Variants in CLGN observed in about 807,000 individuals in gnomAD.
CLGN encodes the protein testis tissue sperm-binding protein Li 79P.
A neutral mutation model predicts 79.1 loss-of-function variants in CLGN; 62 were observed. The ratio of observed to expected loss-of-function variants is 0.78; its 90% CI spans 0.64 to 0.97. CLGN has a LOEUF of 0.97. CLGN is among the 50% of genes least tolerant of loss of function. CLGN has a pLI of 0.00. For synonymous variants in CLGN, 225 were observed against 224.7 expected (o/e 1.00, Z -0.01); for missense variants, 647 against 715.5 (o/e 0.90, Z 1.09).
At chr4:140,389,374 T>C (rs1051399848) in intron 14 of CLGN, 70 bp from the exon 15 acceptor site, 6 of 1,076,872 alleles carry the variant, frequency 5.6e-6, no homozygotes, top group Non-Finnish European at 8.4e-6. Flanking sequence ...GTAAACAATA[T>C]ATTTATTATT....
Position 140,406,207 on chromosome 4 carries a change from A to G in CLGN, c.278-124T>C, listed in dbSNP as rs1729103857. 8.2e-6 allele frequency: 7 copies of G among 852,228 alleles called. No homozygotes were observed. The South Asian group carries it at 9.9e-5, about 12-fold the overall frequency. The allele number at this position is 852,228 out of a possible 1,614,324, so 52.8% of individuals were successfully genotyped here. Reference sequence around the variant, plus strand: ...TGACTTGGGAAAAATAAAAATTTTAAATCAGGAAATATCTTCAACTATATA... The same window carrying G: ...TGACTTGGGAAAAATAAAAATTTTAGATCAGGAAATATCTTCAACTATATA... On this transcript the variant is annotated intron_variant, in intron 4 of 14. Transcript: ENST00000325617.
chr4:140,412,077 G>A (rs756139398), intron 2 of CLGN, among the ~76,000 whole-genome samples: 9 of 151,820 alleles, frequency 5.9e-5, no homozygotes, highest in African/African-American at 9.7e-5. Context: ...ATTAGTACTC[G>A]GAGTACTTAC....
rs1220861012 is a variant in CLGN at position 140,395,856 on chromosome 4, A to C, written c.1112T>G (p.Val371Gly). Reference protein sequence around the residue: ...PMIDNPKYKGVWRPPLVDNPN... With the variant: ...PMIDNPKYKGGWRPPLVDNPN... ...ATTATCGACCAGTGGAGGTCTCCATACTCCTTTGTATTTTGGGTTATCTAT... is the reference window on the plus strand; with the variant it reads ...ATTATCGACCAGTGGAGGTCTCCATCCTCCTTTGTATTTTGGGTTATCTAT... Residue 371 changes from valine to glycine, a missense_variant, in exon 10 of 15, where the codon GTA becomes GGA. By Grantham distance (109) the Val-to-Gly change is moderately radical (BLOSUM62 -3). Transcript: ENST00000325617. 1.3e-6 allele frequency: 2 copies of C among 1,575,156 alleles called. No homozygotes were observed. Among genetic ancestry groups the C allele is most frequent in the African/African-American group, 1.4e-5 (1 of 73,134 alleles).
chr4:140,427,471 T>C (rs1729592709), intron 1 of CLGN, 66 bp downstream of exon 1: 1 of 152,298 alleles, frequency 6.6e-6, no homozygotes, highest in Non-Finnish European at 1.5e-5. Flanking sequence ...ACGACTCCGC[T>C]TCCTCACCCC....
At chr4:140,404,900 C>G (rs1729070458) in intron 5 of CLGN, among the ~76,000 whole-genome samples, 1 of 151,964 alleles carries the variant, frequency 6.6e-6, no homozygotes, top group African/African-American at 2.4e-5. Flanking sequence ...AAGCTGTCTG[C>G]CCACCTAGGC....
At chr4:140,420,035 A>C (rs533540604) in intron 1 of CLGN, among the ~76,000 whole-genome samples, 9 of 152,288 alleles carry the variant, frequency 5.9e-5, no homozygotes, top group Middle Eastern at 3.4e-3. Context: ...ACATAAAATA[A>C]TACTACTAAT....
rs1728796756 is a variant in CLGN, at chr4:140,392,643, C to T, written c.1434G>A (p.Val478=). ...TTAATGCTATTGGCACTCCTGCTGTCACAAGATAAATCAACCAAAGCCATG... is the reference window on the plus strand; with the variant it reads ...TTAATGCTATTGGCACTCCTGCTGTTACAAGATAAATCAACCAAAGCCATG... The part of the protein sequence containing the change: ...GHPWLWLIYL[V]TAGVPIALIT... The change falls in exon 12 of 15, where the codon GTG becomes GTA. Residue 478 remains valine, a synonymous_variant. Coordinates refer to ENST00000325617, the MANE Select transcript of CLGN (RefSeq NM_004362.3). 6.2e-7 allele frequency: 1 copy of T among 1,611,108 alleles called. No individual in the cohort carries two copies. Among genetic ancestry groups the T allele is most frequent in the African/African-American group, 1.3e-5 (1 of 74,726 alleles).
At chr4:140,395,554 A>G (rs892467095) in intron 10 of CLGN, among the ~76,000 whole-genome samples, 1 of 152,168 alleles carries the variant, frequency 6.6e-6, no homozygotes, top group African/African-American at 2.4e-5. Context: ...CACTTCTTAT[A>G]TTTACTTCTA....
intron 10 of CLGN, among the ~76,000 whole-genome samples, chr4:140,395,389 G>T (rs866817275): frequency 6.6e-6 from 1 of 151,886 alleles, no homozygotes; most frequent in Non-Finnish European, 1.5e-5. Context: ...CTCGTGATCC[G>T]CCCGCCTTGG....
At position 140,413,762 on chromosome 4, in the gene CLGN, C is replaced by T. The variant is rs531664807; in HGVS notation, c.-9-675G>A. 1.5e-4 allele frequency among the ~76,000 whole-genome samples: 23 copies of T among 152,250 alleles called. No individual in the cohort carries two copies. The South Asian group carries it at 2.3e-3, about 15-fold the overall frequency. The stretch of plus-strand genomic sequence containing the variant: ...AGCAGTCTGAGATCAAACTGCAAGG[C>T]GGCAGCGAGGCTGGGGGAGGGGCGC... On this transcript the variant is annotated intron_variant, in intron 1 of 14. Coordinates refer to ENST00000325617, the MANE Select transcript of CLGN (RefSeq NM_004362.3).
intron 8 of CLGN, 88 bp from the exon 9 acceptor site, chr4:140,396,293 C>T: frequency 9.0e-7 from 1 of 1,116,030 alleles, no homozygotes; most frequent in Non-Finnish European, 1.3e-6. Flanking sequence ...AAAATTATTT[C>T]CCTCCCTTTT....
rs755892878 is a variant in CLGN, at chr4:140,390,687, C to G, written c.1693G>C (p.Glu565Gln). ...EPEEKSEEEI[E>Q]IIEGQEESNQ... is the part of the protein sequence containing the mutation. ...CTTTCTTCTTGCCCTTCTATGATTT[C>G]AATTTCTTCTTCACTCTTTTCCTCA... Residue 565 changes from glutamate (E) to glutamine (Q), a missense_variant, in exon 14 of 15, where the codon GAA (glutamate) becomes CAA (glutamine). By Grantham distance (29) the Glu-to-Gln change is conservative. Coordinates refer to ENST00000325617, the MANE Select transcript of CLGN (RefSeq NM_004362.3). 3.7e-6 allele frequency: 6 copies of G among 1,605,372 alleles called. No homozygotes were observed. Among genetic ancestry groups the G allele is most frequent in the Non-Finnish European group, 5.1e-6 (6 of 1,175,024 alleles).
At position 140,409,822 on chromosome 4, in the gene CLGN, A is replaced by C; in HGVS notation, c.277+15T>G. ...GCCATACTGGTTATATCTAATACTT[A>C]AATAAATATTTTACCATCGTATATT... On this transcript the variant is annotated intron_variant, in intron 4 of 14. Transcript: ENST00000325617. The C allele has an allele frequency of 3.9e-6, 6 of 1,532,370 alleles. No individual in the cohort carries two copies. The highest frequency in any genetic ancestry group is 5.4e-6 in the Non-Finnish European group (6 of 1,112,696). The allele number at this position is 1,532,370 out of a possible 1,614,324, so 94.9% of individuals were successfully genotyped here. A position where few individuals can be genotyped will look rare whatever the true frequency, so the allele number is the denominator to read the frequency against.
chr4:140,425,882 GC>G (rs1729558553), intron 1 of CLGN, among the ~76,000 whole-genome samples: 1 of 152,052 alleles, frequency 6.6e-6, no homozygotes, highest in African/African-American at 2.4e-5. Flanking sequence ...GCCCGCCTCG[GC>G]CTCCCAAAGT....
intron 8 of CLGN, among the ~76,000 whole-genome samples, chr4:140,396,874 C>CATAT (rs759900454): frequency 0.041 from 4,525 of 109,436 alleles, 134 homozygotes; most frequent in African/African-American, 0.06. Context: ...TATATATATA[C>CATAT]ATATATATAT....
intron 2 of CLGN, among the ~76,000 whole-genome samples, chr4:140,412,467 C>T (rs537563120): frequency 2.6e-5 from 4 of 152,226 alleles, no homozygotes; most frequent in South Asian, 2.1e-4. Context: ...GAGAGAAACA[C>T]GAGTCAGGTT....
intron 3 of CLGN, 23 bp from the exon 4 acceptor site, chr4:140,409,918 A>C (rs1162667362): frequency 6.5e-7 from 1 of 1,528,384 alleles, no homozygotes. Flanking sequence ...TTGAACATAC[A>C]TATATGTCAT....
At chr4:140,419,108 A>C (rs1729407190) in intron 1 of CLGN, among the ~76,000 whole-genome samples, 1 of 152,170 alleles carries the variant, frequency 6.6e-6, no homozygotes, top group African/African-American at 2.4e-5. Context: ...CAAGAACAAA[A>C]AACCAAACAC....
intron 8 of CLGN, among the ~76,000 whole-genome samples, chr4:140,396,533 C>G (rs1188266542): frequency 6.6e-6 from 1 of 151,822 alleles, no homozygotes; most frequent in Non-Finnish European, 1.5e-5. Context: ...TACTATGTGT[C>G]AAGACTGTTC....
Sources: gnomAD v4.1 joint callset for allele counts (sites outside exome capture counted in the v4.1 genomes callset) on GRCh38, gnomAD v4.1.1 for gene constraint, MANE v1.5 for transcripts, NCBI Gene and HGNC (gene_info 2026-07-23, HGNC 2026-07-21) for gene names.